ZEB2: variants seen among roughly 807,000 people sequenced by gnomAD.
The protein encoded by ZEB2 is zinc finger E-box-binding homeobox 2.
In ZEB2, 6 loss-of-function variants were observed where a neutral mutation model predicts 99.9. The observed-to-expected ratio is 0.06, with a 90% CI of 0.03 to 0.12. ZEB2 has a LOEUF of 0.12. Among genes scored for constraint, ZEB2 ranks in the 10% least tolerant of loss-of-function variants. ZEB2 has a pLI of 1.00. For synonymous variants in ZEB2, 517 were observed against 542.5 expected, an observed-to-expected ratio of 0.95 and a Z score of 0.65; for missense variants, 969 against 1,502.8, an observed-to-expected ratio of 0.64 and a Z score of 5.87.
chr2:144,477,182 G>T (rs1704442072), intron 2 of ZEB2, among the ~76,000 whole-genome samples: 2 of 152,154 alleles, frequency 1.3e-5, no homozygotes, highest in Admixed American at 6.5e-5. Context: ...ATATAATGTT[G>T]TGAGGCTGAA....
chr2:144,436,332 G>C (rs1361360371), intron 2 of ZEB2, among the ~76,000 whole-genome samples: 1 of 152,056 alleles, frequency 6.6e-6, no homozygotes, highest in Non-Finnish European at 1.5e-5. Context: ...TTTATCCCAG[G>C]AACATTCGAA....
chr2:144,501,301 A>C (rs1704865638), intron 2 of ZEB2, among the ~76,000 whole-genome samples: 1 of 152,162 alleles, frequency 6.6e-6, no homozygotes, highest in Admixed American at 6.5e-5. Context: ...AGTCATTCTG[A>C]AATGTGCTCA....
chr2:144,429,609 A>G, intron 3 of ZEB2, 160 bp downstream of exon 3: 1 of 1,128,602 alleles, frequency 8.9e-7, no homozygotes, highest in Non-Finnish European at 1.3e-6. Context: ...CATTACTATC[A>G]CTTCATAATC....
chr2:144,465,466 T>C (rs1019599429), intron 2 of ZEB2, among the ~76,000 whole-genome samples: 4 of 152,164 alleles, frequency 2.6e-5, no homozygotes, highest in Non-Finnish European at 5.9e-5. Context: ...CATTTTGATA[T>C]CTTACTGCCT....
At position 144,510,568 on chromosome 2, in the gene ZEB2, T is replaced by C. The variant is rs759180033; in HGVS notation, c.73+6710A>G. ...ACAGACATGCCATCTTGTAACACTA[T>C]ATGCCTGTCAGGAGGGACAGGGCCT... On this transcript the variant is annotated intron_variant, in intron 2 of 9. Transcript: ENST00000627532. 3.3e-5 allele frequency among the ~76,000 whole-genome samples: 5 copies of C among 152,192 alleles called. No homozygotes were observed. In the South Asian group the frequency reaches 6.2e-4, roughly 19 times the overall value.
intron 7 of ZEB2, 124 bp downstream of exon 7, chr2:144,401,075 T>G: frequency 1.2e-6 from 1 of 851,178 alleles, no homozygotes; most frequent in Non-Finnish European, 1.9e-6. Flanking sequence ...GCACACAGAG[T>G]TGATGAAATA....
intron 2 of ZEB2, among the ~76,000 whole-genome samples, chr2:144,436,701 G>A (rs1703842963): frequency 6.6e-6 from 1 of 152,046 alleles, no homozygotes; most frequent in Non-Finnish European, 1.5e-5. Flanking sequence ...TTCTGGATAG[G>A]CTCCAACATG....
chr2:144,456,850 T>C (rs1263566893), intron 2 of ZEB2, among the ~76,000 whole-genome samples: 2 of 152,076 alleles, frequency 1.3e-5, no homozygotes. Context: ...CTTTGGTGAC[T>C]GTTCTCTCAT....
In ZEB2 at chr2:144,512,767, T is replaced by G. The variant is rs565686331; in HGVS notation, c.73+4511A>C. On this transcript the variant is annotated intron_variant, in intron 2 of 9. Transcript: ENST00000627532. ...TCCAGACCAAAATAAAACAAATAGA[T>G]CAGCCTAGATACATAGCCCCCAGCC... 6.2e-6 allele frequency: 8 copies of G among 1,287,022 alleles called. No homozygotes were observed. In the African/African-American group the frequency reaches 1.1e-4, roughly 17 times the overall value. The allele number at this position is 1,287,022 out of a possible 1,614,324, so 79.7% of individuals were successfully genotyped here.
chr2:144,423,077 A>T (rs1437650170), intron 4 of ZEB2, among the ~76,000 whole-genome samples: 2 of 152,216 alleles, frequency 1.3e-5, no homozygotes. Flanking sequence ...AAGGTACAGC[A>T]GGTATTATGA....
At chr2:144,492,637 T>C (rs977380750) in intron 2 of ZEB2, among the ~76,000 whole-genome samples, 1 of 152,106 alleles carries the variant, frequency 6.6e-6, no homozygotes, top group Admixed American at 6.5e-5. Context: ...CCTCCCTGAC[T>C]CCCAAGTCTC....
At chr2:144,481,020 C>T (rs1303019597) in intron 2 of ZEB2, among the ~76,000 whole-genome samples, 1 of 151,382 alleles carries the variant, frequency 6.6e-6, no homozygotes, top group East Asian at 1.9e-4. Flanking sequence ...TACCACAATA[C>T]ATTGATTTTG....
At chr2:144,513,220 A>T in intron 2 of ZEB2, 1 of 1,286,948 alleles carries the variant, frequency 7.8e-7, no homozygotes, top group Non-Finnish European at 1.0e-6. Flanking sequence ...CAGCACCTCC[A>T]CTCCTTTAAG....
chr2:144,494,842 C>T (rs1037725482), intron 2 of ZEB2: 1 of 151,982 alleles, frequency 6.6e-6, no homozygotes, highest in African/African-American at 2.4e-5. Context: ...GCATTATGTA[C>T]GCATAAACAA....
intron 4 of ZEB2, among the ~76,000 whole-genome samples, chr2:144,419,343 G>A (rs529969052): frequency 3.3e-5 from 5 of 152,184 alleles, no homozygotes; most frequent in African/African-American, 1.2e-4. Flanking sequence ...GCCTAAATTG[G>A]CCTTGCCCAG....
chr2:144,395,357 C>A (rs1330264801), intron 9 of ZEB2, among the ~76,000 whole-genome samples: 3 of 151,834 alleles, frequency 2.0e-5, no homozygotes, highest in Non-Finnish European at 2.9e-5. Context: ...GCTTTTCCCC[C>A]AAAAAGCTTT....
chr2:144,464,372 C>A (rs904336411), intron 2 of ZEB2: 10 of 152,106 alleles, frequency 6.6e-5, no homozygotes, highest in African/African-American at 1.9e-4. Flanking sequence ...AAGTCAACAT[C>A]TTTATATATT....
intron 2 of ZEB2, among the ~76,000 whole-genome samples, chr2:144,440,015 G>T (rs1256606260): frequency 6.6e-6 from 1 of 151,914 alleles, no homozygotes; most frequent in East Asian, 1.9e-4. Flanking sequence ...TCTCTTCAAA[G>T]ACACAAAAGA....
intron 4 of ZEB2, among the ~76,000 whole-genome samples, chr2:144,414,943 A>AGTGCAT (rs1553963066): frequency 4.5e-5 from 2 of 44,174 alleles, no homozygotes; most frequent in African/African-American, 7.5e-5. Flanking sequence ...CCCACTTCAG[A>AGTGCAT]GTGTATGTGT....
Sources: allele counts gnomAD v4.1 joint callset (sites outside exome capture counted in the v4.1 genomes callset), GRCh38; gene constraint gnomAD v4.1.1; transcripts MANE v1.5; gene names NCBI Gene and HGNC (gene_info 2026-07-23, HGNC 2026-07-21).